MAK: variants seen among roughly 807,000 people sequenced by gnomAD.
MAK encodes the protein male germ cell associated kinase, also known as serine/threonine-protein kinase MAK.
In MAK, 65 loss-of-function variants were observed where a neutral mutation model predicts 82.6. The observed-to-expected ratio is 0.79, with a 90% confidence interval of 0.64 to 0.97. The LOEUF (loss-of-function observed/expected upper bound fraction) is 0.97. MAK is among the 50% of genes least tolerant of loss of function. MAK has a pLI of 0.00. For missense variants in MAK, 703 were observed against 780.2 expected (o/e 0.90, Z 1.18); for synonymous variants, 250 against 274.2 (o/e 0.91, Z 0.87).
intron 11 of MAK, chr6:10,779,577 A>G (rs1773775785): frequency 1.6e-6 from 1 of 633,186 alleles, no homozygotes; most frequent in African/African-American, 2.0e-5. Flanking sequence ...ACTTGGCTTT[A>G]GGGTAAAGAG....
intron 2 of MAK, among the ~76,000 whole-genome samples, chr6:10,819,766 ATG>A (rs908831688): frequency 2.6e-5 from 4 of 152,082 alleles, no homozygotes; most frequent in African/African-American, 7.2e-5. Flanking sequence ...TTATATGAAC[ATG>A]TGTTTTTATA....
At chr6:10,809,334 TGAAGTCACCTAATTAAC>T (rs1322951022) in intron 5 of MAK, among the ~76,000 whole-genome samples, 4 of 152,062 alleles carry the variant, frequency 2.6e-5, no homozygotes, top group Non-Finnish European at 5.9e-5. Context: ...AGGGCCAGAG[TGAAGTCACCTAATTAAC>T]GTGTGAGAAG....
In MAK at chr6:10,822,030, C is replaced by G. The variant is rs373249218; in HGVS notation, c.102-3090G>C. The stretch of plus-strand genomic sequence containing the variant: ...GGCGTGGTGGCGGGCGCCTGTAGTC[C>G]CAGCTACTTGGGAGGCTGAGGCAGG... On this transcript the variant is annotated intron_variant, in intron 2 of 14. Coordinates refer to ENST00000354489, the MANE Select transcript of MAK (RefSeq NM_001242957.3). Among the ~76,000 whole-genome samples the G allele has an allele frequency of 5.2e-3, 781 of 151,444 alleles. 8 individuals carry two copies. The highest frequency in any genetic ancestry group is 0.018 in the African/African-American group (737 of 41,206).
chr6:10,769,504 G>C (rs1037893633), intron 14 of MAK, among the ~76,000 whole-genome samples: 2 of 152,148 alleles, frequency 1.3e-5, no homozygotes, highest in South Asian at 2.1e-4. Flanking sequence ...CCTTCCCCCT[G>C]AATACTATTG....
Position 10,791,662 on chromosome 6 carries a change from T to C in MAK, c.1316+13A>G, listed in dbSNP as rs1430575818. ...ATGGCAAAAATATTTTTCTGAGGAA[T>C]TTGAAATCTTACCGAAATGGAGAAT... On this transcript the variant is annotated intron_variant, in intron 10 of 14. Coordinates refer to ENST00000354489, the MANE Select transcript of MAK (RefSeq NM_001242957.3). The C allele has an allele frequency of 1.2e-6, 2 of 1,610,354 alleles. No individual in the cohort carries two copies. Among genetic ancestry groups the C allele is most frequent in the African/African-American group, 2.7e-5 (2 of 74,856 alleles).
intron 11 of MAK, among the ~76,000 whole-genome samples, chr6:10,783,978 C>T (rs370942322): frequency 7.1e-4 from 108 of 152,144 alleles, no homozygotes; most frequent in African/African-American, 2.4e-3. Context: ...GAGATCACGC[C>T]ACTGCACTCC....
At chr6:10,786,115 G>A (rs569650145) in intron 10 of MAK, among the ~76,000 whole-genome samples, 1 of 151,996 alleles carries the variant, frequency 6.6e-6, no homozygotes, top group South Asian at 2.1e-4. Flanking sequence ...CATGGTGGCG[G>A]CCACCTGTAA....
chr6:10,783,732 C>T (rs529299090), intron 11 of MAK, among the ~76,000 whole-genome samples: 66 of 152,286 alleles, frequency 4.3e-4, no homozygotes, highest in African/African-American at 1.5e-3. Flanking sequence ...AAAATATACA[C>T]CAGATTGGCT....
intron 13 of MAK, among the ~76,000 whole-genome samples, chr6:10,771,557 G>A (rs1312493856): frequency 2.0e-5 from 3 of 152,200 alleles, no homozygotes; most frequent in Admixed American, 6.5e-5. Context: ...GATCACCCTC[G>A]TGGTTTCAAA....
In MAK at chr6:10,809,955, G is replaced by A. The variant is rs371784118; in HGVS notation, c.359-1013C>T. 4.1e-4 allele frequency among the ~76,000 whole-genome samples: 63 copies of A among 152,024 alleles called. No individual in the cohort carries two copies. The South Asian group carries it at 0.011, about 27-fold the overall frequency. On this transcript the variant is annotated intron_variant, in intron 5 of 14. Coordinates refer to ENST00000354489, the MANE Select transcript of MAK (RefSeq NM_001242957.3). ...TATACTAAAAATACCAAAATTAGCC[G>A]GGCATGGTGGTGTGCGCCTGTAGTC...
rs1055001487 is a variant in MAK at position 10,793,574 on chromosome 6, T to C, written c.1144-1727A>G. Among the ~76,000 whole-genome samples the C allele has an allele frequency of 1.4e-4, 21 of 152,138 alleles. No individual in the cohort carries two copies. The highest frequency in any genetic ancestry group is 1.1e-3 in the Admixed American group (17 of 15,260). ...CAAGTCAGAGGTACAGAATATGCAA[T>C]TTAGGAGAAGCATTTGTGAAAAAAC... is the stretch of plus-strand genomic sequence containing the variant. On this transcript the variant is annotated intron_variant, in intron 9 of 14. Transcript: ENST00000354489. The surrounding 1 kb of genome is among the most constrained non-coding windows in gnomAD (Gnocchi z 4.6).
chr6:10,818,043 C>T lies in MAK; in HGVS notation c.157-72G>A, dbSNP rs999512658. On this transcript the variant is annotated intron_variant, in intron 3 of 14. Coordinates refer to ENST00000354489, the MANE Select transcript of MAK (RefSeq NM_001242957.3). ...AGAATTTGGCAAAATTGCATCAATGCTAAGTGTAATAATTACCTTATGTAA... is the reference window on the plus strand; with the variant it reads ...AGAATTTGGCAAAATTGCATCAATGTTAAGTGTAATAATTACCTTATGTAA... 6 of 846,522 alleles carry T rather than the reference C, an allele frequency of 7.1e-6. No individual in the cohort carries two copies. In the Admixed American group the frequency reaches 7.9e-5, roughly 11 times the overall value. 52.4% of individuals were successfully genotyped at this position (846,522 alleles called of 1,614,324 possible).
At chr6:10,831,750 GA>G (rs1187866813) in intron 1 of MAK, among the ~76,000 whole-genome samples, 1 of 151,274 alleles carries the variant, frequency 6.6e-6, no homozygotes, top group African/African-American at 2.4e-5. Flanking sequence ...TGTCTCTAAA[GA>G]AAAAAAAATT....
chr6:10,834,565 A>C (rs1362623864), intron 1 of MAK, among the ~76,000 whole-genome samples: 1 of 152,164 alleles, frequency 6.6e-6, no homozygotes, highest in East Asian at 1.9e-4. Context: ...CCTCCACCTT[A>C]AGATTCCTAA....
At chr6:10,771,657 A>G (rs1414525558) in intron 13 of MAK, among the ~76,000 whole-genome samples, 1 of 152,238 alleles carries the variant, frequency 6.6e-6, no homozygotes, top group African/African-American at 2.4e-5. Context: ...CTCACGGCAT[A>G]TCAGGCTTCA....
Position 10,763,013 on chromosome 6 carries a change from C to T in MAK, c.*1439G>A, listed in dbSNP as rs1258387070. 6.6e-6 allele frequency: 1 copy of T among 152,584 alleles called. No individual in the cohort carries two copies. Among genetic ancestry groups the T allele is most frequent in the Non-Finnish European group, 1.5e-5 (1 of 68,036 alleles). The allele number at this position is 152,584 out of a possible 1,614,324, so 9.5% of individuals were successfully genotyped here. ...GTCACAAAATACATAAAAATCTCAG[C>T]AGTTGGTAACATTATTATTCTTTAA... On this transcript the variant is annotated 3_prime_UTR_variant, in exon 15 of 15. Transcript: ENST00000354489.
At chr6:10,804,359 T>C (rs533978864) in intron 6 of MAK, among the ~76,000 whole-genome samples, 1 of 152,314 alleles carries the variant, frequency 6.6e-6, no homozygotes, top group South Asian at 2.1e-4. Context: ...ACTATATTTA[T>C]TGAGTGGAGT....
chr6:10,767,619 T>A (rs1448711859), intron 14 of MAK, among the ~76,000 whole-genome samples: 2 of 151,826 alleles, frequency 1.3e-5, no homozygotes, highest in South Asian at 2.1e-4. Context: ...TCCTGCCCCA[T>A]CTCTACTAAA....
At chr6:10,799,214 C>T (rs1775821993) in intron 8 of MAK, among the ~76,000 whole-genome samples, 1 of 152,168 alleles carries the variant, frequency 6.6e-6, no homozygotes, top group African/African-American at 2.4e-5. Context: ...TGATTGTCTT[C>T]AAGGCTCTTT....
Sources: gnomAD v4.1 joint callset for allele counts (sites outside exome capture counted in the v4.1 genomes callset) on GRCh38, gnomAD v4.1.1 for gene constraint, Gnocchi (gnomAD v3.1) non-coding constraint, MANE v1.5 for transcripts, NCBI Gene and HGNC (gene_info 2026-07-23, HGNC 2026-07-21) for gene names.